The following FHIP2A variants were observed in gnomAD, a reference collection of about 807,000 sequenced individuals.
FHIP2A encodes FHF complex subunit HOOK interacting protein 2A, also known as family with sequence similarity 160 member B1.
In FHIP2A, 46 loss-of-function variants were observed where a neutral mutation model predicts 93.5. The ratio of observed to expected loss-of-function variants is 0.49; its 90% CI spans 0.39 to 0.63. The LOEUF is 0.63. FHIP2A is among the 20% of genes least tolerant of loss of function. FHIP2A has a pLI of 0.00. For missense variants in FHIP2A, 769 were observed against 909.7 expected (o/e 0.85, Z 1.99); for synonymous variants, 332 against 326.5 (o/e 1.02, Z -0.18).
At position 114,871,018 on chromosome 10, in the gene FHIP2A, A is replaced by G. The variant is rs924306481; in HGVS notation, c.2192+9684A>G. Among the ~76,000 whole-genome samples, 7 of 130,750 alleles carry G rather than the reference A, an allele frequency of 5.4e-5. No homozygotes were observed. In the East Asian group the frequency reaches 1.4e-3, roughly 25 times the overall value. The allele number at this position is 130,750 out of a possible 152,430, so 85.8% of individuals were successfully genotyped here. On this transcript the variant is annotated intron_variant, in intron 16 of 16. Coordinates refer to the FHIP2A transcript ENST00000369250. ...TCCATAGCAATTGATTTTAGCCTCC[A>G]CATATATATATATATACACATACAT...
intron 14 of FHIP2A, 117 bp from the exon 15 acceptor site, chr10:114,860,632 G>C: frequency 1.2e-6 from 1 of 831,728 alleles, no homozygotes; most frequent in Non-Finnish European, 2.0e-6. Flanking sequence ...GATTACAGGT[G>C]TGAGCCACTG....
intron 1 of FHIP2A, among the ~76,000 whole-genome samples, chr10:114,823,949 GA>G (rs962006387): frequency 1.2e-4 from 19 of 152,056 alleles, no homozygotes; most frequent in African/African-American, 4.6e-4. Flanking sequence ...ATTTGAGGGG[GA>G]AAAAAATTCT....
chr10:114,867,571 C>T, downstream of FHIP2A, among the ~76,000 whole-genome samples: 1 of 152,174 alleles, frequency 6.6e-6, no homozygotes, highest in Non-Finnish European at 1.5e-5. Context: ...ACTCAGTACT[C>T]TTTTGACAGC....
chr10:114,835,770 T>C, intron 4 of FHIP2A, 129 bp downstream of exon 4: 1 of 598,782 alleles, frequency 1.7e-6, no homozygotes, highest in Non-Finnish European at 2.8e-6. Context: ...TAGCAAATAC[T>C]TGAGCTTTCT....
At chr10:114,868,772 G>A (rs2083843350), downstream of FHIP2A, among the ~76,000 whole-genome samples, 4 of 152,122 alleles carry the variant, frequency 2.6e-5, no homozygotes, top group South Asian at 8.3e-4. Context: ...TGGTACCCAT[G>A]TTGTGATGTG....
intron 5 of FHIP2A, among the ~76,000 whole-genome samples, chr10:114,842,158 A>G (rs1322482487): frequency 6.6e-6 from 1 of 152,100 alleles, no homozygotes; most frequent in African/African-American, 2.4e-5. Context: ...CCCAGGCTCA[A>G]GCAATATTCC....
chr10:114,855,171 T>A (rs767978070), intron 13 of FHIP2A, 26 bp from the exon 14 acceptor site: 3 of 1,588,768 alleles, frequency 1.9e-6, no homozygotes, highest in Non-Finnish European at 2.6e-6. Context: ...TGTTCTTTAA[T>A]GATTCACATG....
At chr10:114,830,041 T>G (rs1362590577) in intron 1 of FHIP2A, among the ~76,000 whole-genome samples, 1 of 152,128 alleles carries the variant, frequency 6.6e-6, no homozygotes, top group African/African-American at 2.4e-5. Flanking sequence ...AAGAAAAGAT[T>G]TACATTTGTA....
exon 17 of FHIP2A, chr10:114,899,649 G>A (rs1347495415): frequency 1.6e-6 from 1 of 626,140 alleles, no homozygotes; most frequent in Non-Finnish European, 2.9e-6. Flanking sequence ...CAGGCTGATT[G>A]GCAGACCTGA....
chr10:114,893,936 A>C (rs970586402), intron 16 of FHIP2A, among the ~76,000 whole-genome samples: 1 of 152,094 alleles, frequency 6.6e-6, no homozygotes, highest in African/African-American at 2.4e-5. Context: ...AATACACCAA[A>C]ATTTTAAAAA....
intron 16 of FHIP2A, among the ~76,000 whole-genome samples, chr10:114,893,069 T>C (rs2083983458): frequency 1.3e-5 from 2 of 152,202 alleles, no homozygotes; most frequent in South Asian, 4.1e-4. Context: ...TGTATTACTT[T>C]AATGACATTA....
intron 3 of FHIP2A, among the ~76,000 whole-genome samples, chr10:114,834,428 T>A (rs1287986160): frequency 2.0e-5 from 3 of 152,228 alleles, no homozygotes; most frequent in Non-Finnish European, 4.4e-5. Context: ...TACAGGTGAT[T>A]GTAAATATAA....
At chr10:114,883,684 C>T (rs924102486) in intron 16 of FHIP2A, among the ~76,000 whole-genome samples, 30 of 152,294 alleles carry the variant, frequency 2.0e-4, no homozygotes, top group Admixed American at 4.6e-4. Context: ...CAGGTTCAAA[C>T]GATTCTCTTG....
Position 114,864,673 on chromosome 10 carries a change from C to A in FHIP2A, c.*3133C>A. 1.0e-6 allele frequency: 1 copy of A among 985,058 alleles called. No homozygotes were observed. The highest frequency in any genetic ancestry group is 1.2e-6 in the Non-Finnish European group (1 of 829,434). 61.0% of individuals were successfully genotyped at this position (985,058 alleles called of 1,614,324 possible). ...TTTTGTGCTAACAATGCATGCAGGACTAAGAGGGATGATCTAAAAAATAAA... is the reference window on the plus strand; with the variant it reads ...TTTTGTGCTAACAATGCATGCAGGAATAAGAGGGATGATCTAAAAAATAAA... On this transcript the variant is annotated 3_prime_UTR_variant, in exon 17 of 17. Coordinates refer to ENST00000369248, the MANE Select transcript of FHIP2A (RefSeq NM_020940.4).
chr10:114,845,306 T>A, intron 7 of FHIP2A, 61 bp from the exon 8 acceptor site: 2 of 924,846 alleles, frequency 2.2e-6, no homozygotes, highest in Non-Finnish European at 3.5e-6. Flanking sequence ...TTCCATACAT[T>A]CTGAATAGGG....
intron 16 of FHIP2A, among the ~76,000 whole-genome samples, chr10:114,872,465 T>C (rs2083864586): frequency 6.6e-6 from 1 of 152,178 alleles, no homozygotes; most frequent in Admixed American, 6.5e-5. Context: ...CTAAAAAAAT[T>C]ACATTATTTT....
At chr10:114,894,395 C>CAAAA (rs3086069) in intron 16 of FHIP2A, among the ~76,000 whole-genome samples, 10 of 109,244 alleles carry the variant, frequency 9.2e-5, no homozygotes, top group Middle Eastern at 5.2e-3. Context: ...CCCATCTCTA[C>CAAAA]AAAAAAAAAA....
chr10:114,887,963 G>A (rs779912515), intron 16 of FHIP2A, among the ~76,000 whole-genome samples: 3 of 152,186 alleles, frequency 2.0e-5, no homozygotes, highest in Non-Finnish European at 2.9e-5. Flanking sequence ...TTCTGGTTAG[G>A]TGCAGCCTAT....
At chr10:114,879,941 A>G (rs1478706775) in intron 16 of FHIP2A, among the ~76,000 whole-genome samples, 2 of 152,204 alleles carry the variant, frequency 1.3e-5, no homozygotes, top group Non-Finnish European at 2.9e-5. Context: ...CTGCAGGTGC[A>G]CACCATCATG....
Sources: gnomAD v4.1 joint callset for allele counts (sites outside exome capture counted in the v4.1 genomes callset) on GRCh38, gnomAD v4.1.1 for gene constraint, MANE v1.5 for transcripts, NCBI Gene and HGNC (gene_info 2026-07-23, HGNC 2026-07-21) for gene names.